The following DDX10 variants were observed in gnomAD, a reference collection of about 807,000 sequenced individuals.
DDX10 encodes the protein DEAD-box helicase 10.
DDX10 carries 74 observed loss-of-function variants against 104.3 expected under a neutral mutation model. The ratio of observed to expected loss-of-function variants is 0.71; its 90% CI spans 0.59 to 0.86. The LOEUF is 0.86. DDX10 is among the 40% of genes least tolerant of loss of function. The pLI, the probability that DDX10 is intolerant of heterozygous loss-of-function variation, is 0.00. For missense variants in DDX10, 952 were observed against 1,040.0 expected (o/e 0.92, Z 1.16); for synonymous variants, 351 against 353.4 (o/e 0.99, Z 0.08).
chr11:108,735,128 CA>C (rs1249372204), intron 13 of DDX10, among the ~76,000 whole-genome samples: 3 of 152,106 alleles, frequency 2.0e-5, no homozygotes, highest in Non-Finnish European at 2.9e-5. Flanking sequence ...GTTTCAAGTC[CA>C]AGGCAACATC....
intron 13 of DDX10, among the ~76,000 whole-genome samples, chr11:108,749,669 A>G (rs185744744): frequency 1.6e-4 from 25 of 152,304 alleles, no homozygotes; most frequent in East Asian, 3.9e-4. Flanking sequence ...AAATTTGTCA[A>G]TGAAGTTGAG....
At chr11:108,907,397 G>A (rs186011147) in intron 16 of DDX10, among the ~76,000 whole-genome samples, 92 of 151,024 alleles carry the variant, frequency 6.1e-4, no homozygotes, top group Non-Finnish European at 1.2e-3. Context: ...GTACAGTGGC[G>A]TGATCTCAGC....
chr11:108,713,347 C>A (rs997428549), intron 10 of DDX10, among the ~76,000 whole-genome samples: 4 of 152,118 alleles, frequency 2.6e-5, no homozygotes, highest in African/African-American at 9.7e-5. Flanking sequence ...GTAGTTGTTC[C>A]ATAGTCCTTG....
At chr11:108,807,276 A>C (rs1862114662) in intron 13 of DDX10, among the ~76,000 whole-genome samples, 1 of 152,152 alleles carries the variant, frequency 6.6e-6, no homozygotes, top group Admixed American at 6.5e-5. Flanking sequence ...GCTGGGGGCA[A>C]ACCTCATGAA....
At chr11:108,798,348 A>C (rs185003629) in intron 13 of DDX10, among the ~76,000 whole-genome samples, 1 of 152,354 alleles carries the variant, frequency 6.6e-6, no homozygotes, top group African/African-American at 2.4e-5. Flanking sequence ...GTATGATTCT[A>C]TAGGTAAATA....
At chr11:108,754,189 T>C (rs1364748406) in intron 13 of DDX10, among the ~76,000 whole-genome samples, 2 of 152,076 alleles carry the variant, frequency 1.3e-5, no homozygotes, top group Non-Finnish European at 2.9e-5. Flanking sequence ...GAATGATTCA[T>C]TTAACAGAAT....
chr11:108,860,809 G>A (rs1320145340), intron 16 of DDX10: 5 of 152,072 alleles, frequency 3.3e-5, no homozygotes, highest in African/African-American at 4.8e-5. Context: ...GCCTATCAAA[G>A]TACTGGGATT....
At chr11:108,816,196 C>T (rs1308471456) in intron 13 of DDX10, among the ~76,000 whole-genome samples, 1 of 152,288 alleles carries the variant, frequency 6.6e-6, no homozygotes, top group East Asian at 1.9e-4. Context: ...GGGGGAATAC[C>T]CCCAAGGCTT....
chr11:108,852,235 T>G (rs775127306), intron 16 of DDX10, 26 bp downstream of exon 16: 14 of 1,588,908 alleles, frequency 8.8e-6, no homozygotes, highest in Non-Finnish European at 1.1e-5. Flanking sequence ...CATTTATTTT[T>G]CCAAGCTCTA....
At chr11:108,766,682 A>G (rs944201678) in intron 13 of DDX10, among the ~76,000 whole-genome samples, 7 of 152,220 alleles carry the variant, frequency 4.6e-5, no homozygotes, top group Non-Finnish European at 1.5e-5. Flanking sequence ...GGTTTTTGAG[A>G]TTAAATTTTA....
intron 13 of DDX10, among the ~76,000 whole-genome samples, chr11:108,836,401 T>C (rs1178502879): frequency 6.6e-6 from 1 of 152,216 alleles, no homozygotes; most frequent in East Asian, 1.9e-4. Flanking sequence ...TTCATAACCG[T>C]GACCATTATC....
At chr11:108,871,413 G>C (rs1253133168) in intron 16 of DDX10, among the ~76,000 whole-genome samples, 1 of 152,196 alleles carries the variant, frequency 6.6e-6, no homozygotes, top group Non-Finnish European at 1.5e-5. Context: ...CCTGCTGGTA[G>C]AAAAATCTGA....
At chr11:108,861,732 T>C (rs1219741093) in intron 16 of DDX10, among the ~76,000 whole-genome samples, 2 of 152,176 alleles carry the variant, frequency 1.3e-5, no homozygotes, top group Non-Finnish European at 2.9e-5. Context: ...GGGGTGTATT[T>C]ACTTTGTGAA....
chr11:108,908,124 T>C (rs1863621334), intron 16 of DDX10, among the ~76,000 whole-genome samples: 1 of 152,236 alleles, frequency 6.6e-6, no homozygotes, highest in Non-Finnish European at 1.5e-5. Context: ...ATTTCTTCTC[T>C]AAATAATTTA....
intron 9 of DDX10, among the ~76,000 whole-genome samples, chr11:108,697,909 A>G (rs1001778701): frequency 6.6e-6 from 1 of 152,162 alleles, no homozygotes; most frequent in African/African-American, 2.4e-5. Context: ...TGGGTAGAAG[A>G]TGGGCATTTA....
intron 13 of DDX10, among the ~76,000 whole-genome samples, chr11:108,737,742 C>T (rs894343782): frequency 6.6e-6 from 1 of 152,156 alleles, no homozygotes; most frequent in Non-Finnish European, 1.5e-5. Context: ...TATTCTCTCT[C>T]CACCTCTTTC....
Position 108,794,004 on chromosome 11 carries a change from A to G in DDX10, c.1966-44442A>G, listed in dbSNP as rs74734855. 6.3e-3 allele frequency among the ~76,000 whole-genome samples: 959 copies of G among 151,946 alleles called. 3 individuals carry two copies. The highest frequency in any genetic ancestry group is 0.011 in the Non-Finnish European group (727 of 67,972). ...CATCCACGTTTCTGCAAATGACATG[A>G]TTTCATTTTTTTAATGACTGAATAG... On this transcript the variant is annotated intron_variant, in intron 13 of 17. Coordinates refer to ENST00000322536, the MANE Select transcript of DDX10 (RefSeq NM_004398.4).
At chr11:108,833,423 T>G (rs974716368) in intron 13 of DDX10, among the ~76,000 whole-genome samples, 3 of 152,232 alleles carry the variant, frequency 2.0e-5, no homozygotes, top group Non-Finnish European at 4.4e-5. Flanking sequence ...TATGATGCCT[T>G]GGATGGCGCT....
chr11:108,870,335 A>T (rs1296062094), intron 16 of DDX10, among the ~76,000 whole-genome samples: 1 of 152,170 alleles, frequency 6.6e-6, no homozygotes, highest in East Asian at 1.9e-4. Flanking sequence ...AGTGGCCAGA[A>T]TGAGCCTTTA....
Sources: allele counts gnomAD v4.1 joint callset (sites outside exome capture counted in the v4.1 genomes callset), GRCh38; gene constraint gnomAD v4.1.1; transcripts MANE v1.5; gene names NCBI Gene and HGNC (gene_info 2026-07-23, HGNC 2026-07-21).